NPAS3: variants seen among roughly 807,000 people sequenced by gnomAD.
NPAS3 encodes the protein neuronal PAS domain-containing protein 3.
In NPAS3, 14 loss-of-function variants were observed where a neutral mutation model predicts 73.1. That is an observed-to-expected ratio of 0.19 (90% CI 0.13 to 0.30). NPAS3 has a LOEUF of 0.30. Among genes scored for constraint, NPAS3 ranks in the 10% least tolerant of loss-of-function variants. The pLI, the probability that NPAS3 is intolerant of heterozygous loss-of-function variation, is 1.00. For synonymous variants in NPAS3, 620 were observed against 541.5 expected (o/e 1.14, Z -2.01); for missense variants, 1,096 against 1,250.0 (o/e 0.88, Z 1.86).
At chr14:33,166,266 C>A (rs1566630345) in intron 2 of NPAS3, among the ~76,000 whole-genome samples, 1 of 152,210 alleles carries the variant, frequency 6.6e-6, no homozygotes, top group Non-Finnish European at 1.5e-5. Context: ...CATAGCTGGT[C>A]TTACCTGTTC....
intron 9 of NPAS3, 41 bp downstream of exon 9, chr14:33,778,613 C>A: frequency 7.4e-7 from 1 of 1,345,446 alleles, no homozygotes; most frequent in Non-Finnish European, 1.1e-6. Context: ...CGGCTGGTGT[C>A]AGCAATCTCT....
intron 5 of NPAS3, among the ~76,000 whole-genome samples, chr14:33,568,631 A>T (rs2056076209): frequency 6.6e-6 from 1 of 152,196 alleles, no homozygotes; most frequent in South Asian, 2.1e-4. Context: ...CATTAAATTC[A>T]TGTGAAATCC....
chr14:33,189,814 A>G (rs1283929172), intron 2 of NPAS3, among the ~76,000 whole-genome samples: 2 of 152,220 alleles, frequency 1.3e-5, no homozygotes, highest in Non-Finnish European at 2.9e-5. Flanking sequence ...TAGATTTAAC[A>G]TGTAGAATTC....
At chr14:33,329,822 G>A (rs1264836755) in intron 3 of NPAS3, among the ~76,000 whole-genome samples, 2 of 152,104 alleles carry the variant, frequency 1.3e-5, no homozygotes, top group East Asian at 3.9e-4. Flanking sequence ...GTGTGTGTGT[G>A]TGTGAGAGAG....
At chr14:33,671,584 T>G (rs972560245) in intron 5 of NPAS3, among the ~76,000 whole-genome samples, 1 of 152,084 alleles carries the variant, frequency 6.6e-6, no homozygotes, top group Non-Finnish European at 1.5e-5. Flanking sequence ...AAAAAAAGAG[T>G]TTAAACAAAA....
chr14:32,996,334 G>GA (rs1484572073), intron 1 of NPAS3, among the ~76,000 whole-genome samples: 1 of 152,172 alleles, frequency 6.6e-6, no homozygotes, highest in African/African-American at 2.4e-5. Context: ...TGATAGAAGA[G>GA]AAAATCCCAT....
chr14:33,669,459 T>A (rs2140308304), intron 5 of NPAS3, among the ~76,000 whole-genome samples: 1 of 152,166 alleles, frequency 6.6e-6, no homozygotes, highest in East Asian at 1.9e-4. Context: ...GTTCTTCTTT[T>A]AACTGATGTC....
At chr14:33,207,426 T>C (rs1044351691) in intron 2 of NPAS3, among the ~76,000 whole-genome samples, 3 of 152,152 alleles carry the variant, frequency 2.0e-5, no homozygotes, top group African/African-American at 7.2e-5. Flanking sequence ...CTGATTGATT[T>C]AATGTACAGG....
chr14:33,534,937 C>T (rs10151168), intron 4 of NPAS3, among the ~76,000 whole-genome samples: 4,565 of 152,190 alleles, frequency 0.03, 228 homozygotes, highest in African/African-American at 0.1. Context: ...GCTGTGTCTG[C>T]TTTAAAGCCA....
chr14:33,595,761 C>T (rs1433647927), intron 5 of NPAS3, among the ~76,000 whole-genome samples: 2 of 152,128 alleles, frequency 1.3e-5, no homozygotes, highest in Non-Finnish European at 2.9e-5. Flanking sequence ...AGATCCGCCG[C>T]CCGGGTTCAC....
At chr14:33,719,506 C>CTTTCTAAATACAATATAT (rs2061046771) in intron 6 of NPAS3, among the ~76,000 whole-genome samples, 1 of 152,184 alleles carries the variant, frequency 6.6e-6, no homozygotes, top group East Asian at 1.9e-4. Context: ...TACATTAGAG[C>CTTTCTAAATACAATATAT]TTTCTAAATA....
intron 5 of NPAS3, among the ~76,000 whole-genome samples, chr14:33,591,089 C>G (rs530084957): frequency 5.9e-5 from 9 of 152,176 alleles, no homozygotes; most frequent in Non-Finnish European, 1.3e-4. Context: ...ATGATGACTT[C>G]ATTTTCTCTA....
At chr14:33,799,650 A>G (rs2063621351) in intron 11 of NPAS3, 84 bp from the exon 12 acceptor site, 3 of 1,473,562 alleles carry the variant, frequency 2.0e-6, no homozygotes, top group Admixed American at 2.3e-5. Flanking sequence ...CCTGCAGGTG[A>G]CAGGCTGGGT....
intron 6 of NPAS3, among the ~76,000 whole-genome samples, chr14:33,711,852 C>T (rs1038886437): frequency 6.6e-6 from 1 of 152,006 alleles, no homozygotes; most frequent in African/African-American, 2.4e-5. Flanking sequence ...CTCCAAACCC[C>T]CAAGAAAGAG....
intron 1 of NPAS3, among the ~76,000 whole-genome samples, chr14:32,994,145 A>G (rs2038455258): frequency 6.6e-6 from 1 of 152,188 alleles, no homozygotes; most frequent in African/African-American, 2.4e-5. Context: ...TAGATGATGG[A>G]CTGTGATAGG....
intron 4 of NPAS3, among the ~76,000 whole-genome samples, chr14:33,419,262 CATT>C (rs2048276740): frequency 6.6e-6 from 1 of 151,640 alleles, no homozygotes; most frequent in Admixed American, 6.6e-5. Context: ...TAATAGCTAA[CATT>C]AGAGAAGAGA....
chr14:33,289,549 G>A lies in NPAS3; in HGVS notation c.385+74123G>A, dbSNP rs185013799. 5.6e-3 allele frequency among the ~76,000 whole-genome samples: 850 copies of A among 152,182 alleles called. 25 individuals carry two copies. Among genetic ancestry groups the A allele is most frequent in the Admixed American group, 0.043 (651 of 15,286 alleles). On this transcript the variant is annotated intron_variant, in intron 3 of 11. Transcript: ENST00000356141. ...TAGTAATCTATCCTTGGCCAGGTGC[G>A]GCGGCTCATGCCTGTAATCCCAGTA...
chr14:33,153,024 A>G (rs1266974383), intron 2 of NPAS3, among the ~76,000 whole-genome samples: 1 of 149,932 alleles, frequency 6.7e-6, no homozygotes, highest in Non-Finnish European at 1.5e-5. Flanking sequence ...ACTCTCTTAG[A>G]CTGGTTTTCT....
At chr14:33,709,925 G>A (rs778261327) in intron 6 of NPAS3, among the ~76,000 whole-genome samples, 10 of 152,052 alleles carry the variant, frequency 6.6e-5, no homozygotes, top group African/African-American at 1.9e-4. Context: ...ACAGCCCCAC[G>A]CCCAGCCTGG....
Sources: allele counts gnomAD v4.1 joint callset (sites outside exome capture counted in the v4.1 genomes callset), GRCh38; gene constraint gnomAD v4.1.1; transcripts MANE v1.5; gene names NCBI Gene and HGNC (gene_info 2026-07-23, HGNC 2026-07-21).